The following MEMO1 variants were observed in gnomAD, a reference collection of about 807,000 sequenced individuals.
MEMO1 encodes mediator of cell motility 1.
Under a neutral mutation model 45.2 loss-of-function variants are expected in MEMO1, and 6 were observed. The observed-to-expected ratio is 0.13, with a 90% confidence interval of 0.07 to 0.26. The LOEUF is 0.26. Ranked by LOEUF, MEMO1 falls within the 10% of genes least tolerant of loss-of-function variation. MEMO1 has a pLI of 1.00. For synonymous variants in MEMO1, 78 were observed against 124.3 expected (o/e 0.63, Z 2.48); for missense variants, 184 against 370.5 (o/e 0.50, Z 4.13).
At chr2:31,970,758 C>T (rs1194204566) in intron 2 of MEMO1, among the ~76,000 whole-genome samples, 2 of 152,154 alleles carry the variant, frequency 1.3e-5, no homozygotes, top group African/African-American at 4.8e-5. Flanking sequence ...AATCCCGGCA[C>T]TTTGGGAGGC....
chr2:31,973,138 A>T (rs1558545064), intron 2 of MEMO1, among the ~76,000 whole-genome samples: 1 of 152,044 alleles, frequency 6.6e-6, no homozygotes, highest in Non-Finnish European at 1.5e-5. Context: ...CACCAATTCC[A>T]CTCTTAGGTA....
chr2:31,883,288 A>G (rs543354271), intron 8 of MEMO1, 98 bp downstream of exon 8: 16 of 878,092 alleles, frequency 1.8e-5, no homozygotes, highest in African/African-American at 1.4e-4. Flanking sequence ...AAAGATAGGG[A>G]AAAAATATAT....
chr2:31,974,936 C>T (rs560289217), intron 2 of MEMO1, among the ~76,000 whole-genome samples: 6 of 152,028 alleles, frequency 3.9e-5, no homozygotes, highest in African/African-American at 1.2e-4. Context: ...TTTGAGAGGC[C>T]GAGGCAAGTG....
chr2:31,943,221 TGCCACTGTACTTCA>T, intron 3 of MEMO1, 67 bp downstream of exon 3: 2 of 989,228 alleles, frequency 2.0e-6, no homozygotes. Flanking sequence ...GCCGAGACCA[TGCCACTGTACTTCA>T]GCCTGGGCGA....
At chr2:31,878,650 T>C (rs971987268) in intron 8 of MEMO1, among the ~76,000 whole-genome samples, 1 of 152,174 alleles carries the variant, frequency 6.6e-6, no homozygotes, top group Non-Finnish European at 1.5e-5. Flanking sequence ...AGTTCTTTTA[T>C]ATTTTTGGTG....
chr2:31,986,123 G>C (rs191092540), intron 2 of MEMO1, among the ~76,000 whole-genome samples: 1 of 151,842 alleles, frequency 6.6e-6, no homozygotes, highest in Non-Finnish European at 1.5e-5. Flanking sequence ...GGCCAGCCGC[G>C]GTGGCTCACG....
chr2:31,886,423 T>TAC (rs1295209301), intron 7 of MEMO1, among the ~76,000 whole-genome samples: 9 of 152,136 alleles, frequency 5.9e-5, no homozygotes, highest in Non-Finnish European at 1.2e-4. Flanking sequence ...TATGTCTGCA[T>TAC]ACACACACAC....
chr2:31,917,755 A>C (rs1681679419), intron 6 of MEMO1, among the ~76,000 whole-genome samples, 171 bp downstream of exon 6: 1 of 152,220 alleles, frequency 6.6e-6, no homozygotes, highest in South Asian at 2.1e-4. Flanking sequence ...TTCAGCCTTC[A>C]TAGGCAAACT....
rs538922854 is a variant in MEMO1 at position 31,872,339 on chromosome 2, G to C, written c.658-2387C>G. On this transcript the variant is annotated intron_variant, in intron 8 of 9. Coordinates refer to ENST00000404530, the MANE Select transcript of MEMO1 (RefSeq NM_001301833.4). The stretch of plus-strand genomic sequence containing the variant: ...TTGAACACTTACATAGCTACAACTT[G>C]CATACATGTTGTAGGTGAACTTTTA... 3.9e-5 allele frequency among the ~76,000 whole-genome samples: 6 copies of C among 152,288 alleles called. No individual in the cohort carries two copies. In the South Asian group the frequency reaches 1.2e-3, roughly 32 times the overall value.
chr2:31,966,441 C>T (rs1454705627), intron 2 of MEMO1, among the ~76,000 whole-genome samples: 2 of 152,122 alleles, frequency 1.3e-5, no homozygotes, highest in Non-Finnish European at 2.9e-5. Flanking sequence ...GCCATTAAAA[C>T]TAGGTCTGGC....
intron 2 of MEMO1, among the ~76,000 whole-genome samples, chr2:31,983,154 G>A (rs1250437973): frequency 2.6e-5 from 4 of 151,998 alleles, no homozygotes; most frequent in East Asian, 1.9e-4. Flanking sequence ...CCAGCTACTC[G>A]AGAGGCTGAG....
At chr2:31,922,342 T>C in intron 4 of MEMO1, among the ~76,000 whole-genome samples, 1 of 142,504 alleles carries the variant, frequency 7.0e-6, no homozygotes, top group Non-Finnish European at 1.5e-5. Flanking sequence ...TGTTCTGCTA[T>C]GAAAAAAAAA....
At chr2:31,965,927 A>G (rs1393122190) in intron 2 of MEMO1, among the ~76,000 whole-genome samples, 2 of 152,214 alleles carry the variant, frequency 1.3e-5, no homozygotes, top group Admixed American at 1.3e-4. Flanking sequence ...TACGTTTACA[A>G]CAAACCTGCA....
At chr2:31,975,307 T>C (rs778230541) in intron 2 of MEMO1, among the ~76,000 whole-genome samples, 7 of 152,206 alleles carry the variant, frequency 4.6e-5, no homozygotes, top group Non-Finnish European at 1.0e-4. Context: ...ATACCTAAAT[T>C]ATGCATTCTC....
At chr2:31,912,579 A>C (rs1249698035) in intron 6 of MEMO1, among the ~76,000 whole-genome samples, 2 of 152,024 alleles carry the variant, frequency 1.3e-5, no homozygotes, top group African/African-American at 4.8e-5. Flanking sequence ...ATTAAAGATA[A>C]TATATGGTGA....
intron 7 of MEMO1, among the ~76,000 whole-genome samples, chr2:31,891,263 C>A (rs372731385): frequency 6.6e-6 from 1 of 152,060 alleles, no homozygotes; most frequent in African/African-American, 2.4e-5. Flanking sequence ...CTAAAACGAA[C>A]AAAACTTAGA....
chr2:31,914,145 A>G (rs548916487), intron 6 of MEMO1, among the ~76,000 whole-genome samples: 13 of 152,332 alleles, frequency 8.5e-5, no homozygotes, highest in Non-Finnish European at 1.6e-4. Context: ...CCAGAGAGGA[A>G]GCTAGGGCAT....
At chr2:31,906,100 G>A (rs547006704) in intron 6 of MEMO1, among the ~76,000 whole-genome samples, 1 of 151,250 alleles carries the variant, frequency 6.6e-6, no homozygotes, top group African/African-American at 2.4e-5. Flanking sequence ...AGCCTCCCGA[G>A]TAGCTGGGAT....
intron 2 of MEMO1, among the ~76,000 whole-genome samples, chr2:31,970,966 T>C (rs1669325007): frequency 6.6e-6 from 1 of 152,200 alleles, no homozygotes; most frequent in Non-Finnish European, 1.5e-5. Flanking sequence ...ATCACACCAC[T>C]GCACTCCAGC....
Sources: gnomAD v4.1 joint callset for allele counts (sites outside exome capture counted in the v4.1 genomes callset) on GRCh38, gnomAD v4.1.1 for gene constraint, MANE v1.5 for transcripts, NCBI Gene and HGNC (gene_info 2026-07-23, HGNC 2026-07-21) for gene names.